Variants in GUCY2F observed in about 807,000 individuals in gnomAD.
GUCY2F encodes the protein guanylate cyclase 2F, retinal, also known as retinal guanylyl cyclase 2.
A neutral mutation model predicts 73.1 loss-of-function variants in GUCY2F; 61 were observed. The ratio of observed to expected loss-of-function variants is 0.83; its 90% CI spans 0.68 to 1.03. The LOEUF (loss-of-function observed/expected upper bound fraction) is 1.03. Ranked by LOEUF, GUCY2F falls within the 50% of genes least tolerant of loss-of-function variation. The pLI, the probability that GUCY2F is intolerant of heterozygous loss-of-function variation, is 0.00. For missense variants in GUCY2F, 912 were observed against 854.3 expected (o/e 1.07, Z -0.84); for synonymous variants, 331 against 307.8 (o/e 1.08, Z -0.79).
chrX:109,453,671 T>C lies in GUCY2F; in HGVS notation c.1221A>G (p.Val407=), dbSNP rs1176330585. ...DSNGNGISEY[V]ILDTNLKEWE... is the part of the protein sequence containing the mutation. ...ATTCTTTCAAGTTGGTGTCCAGGAT[T>C]ACATATTCTGAAATTCCATTTCCAT... The change falls in exon 4 of 20, where the codon GTA becomes GTG. Residue 407 remains valine, a synonymous_variant. Transcript: ENST00000218006. 1 of 1,205,568 alleles carries C rather than the reference T, an allele frequency of 8.3e-7. No individual in the cohort carries two copies. Among genetic ancestry groups the C allele is most frequent in the Non-Finnish European group, 1.1e-6 (1 of 889,892 alleles).
intron 3 of GUCY2F, among the ~76,000 whole-genome samples, chrX:109,458,820 C>T (rs1932310356): frequency 9.0e-6 from 1 of 111,280 alleles, no homozygotes; most frequent in Non-Finnish European, 1.9e-5. Context: ...TTAATCCTCA[C>T]AAGAACCCTA....
chrX:109,416,202 A>G (rs1429933201), intron 8 of GUCY2F, among the ~76,000 whole-genome samples: 1 of 102,085 alleles, frequency 9.8e-6, no homozygotes, highest in African/African-American at 4.4e-5. Context: ...TACTCCAGGA[A>G]AAAAAAAGGT....
chrX:109,398,770 C>G, intron 10 of GUCY2F, 72 bp from the exon 11 acceptor site: 2 of 952,539 alleles, frequency 2.1e-6, no homozygotes, highest in South Asian at 4.7e-5. Flanking sequence ...CTCAAGGGCT[C>G]AGAGGGTACT....
chrX:109,385,118 G>T, intron 16 of GUCY2F, 66 bp downstream of exon 16: 1 of 525,202 alleles, frequency 1.9e-6, no homozygotes, highest in Non-Finnish European at 3.3e-6. Flanking sequence ...TCACCTCTCT[G>T]AAGAAGAATC....
intron 8 of GUCY2F, among the ~76,000 whole-genome samples, chrX:109,426,517 T>C (rs890236032): frequency 4.5e-5 from 5 of 112,108 alleles, no homozygotes; most frequent in African/African-American, 1.6e-4. Flanking sequence ...GCCTCCTGAG[T>C]AACTGGGACT....
chrX:109,445,138 A>G (rs942605977), intron 6 of GUCY2F, among the ~76,000 whole-genome samples: 4 of 111,588 alleles, frequency 3.6e-5, no homozygotes, highest in African/African-American at 1.3e-4. Context: ...ACTACATGTC[A>G]TCTTTCACAA....
chrX:109,476,818 T>C (rs1042234021), intron 1 of GUCY2F, among the ~76,000 whole-genome samples: 1 of 103,424 alleles, frequency 9.7e-6, no homozygotes, highest in African/African-American at 4.1e-5. Flanking sequence ...TGCGTGTGTA[T>C]ATATATGTGT....
intron 7 of GUCY2F, among the ~76,000 whole-genome samples, chrX:109,440,140 G>A (rs1202412988): frequency 8.9e-6 from 1 of 111,895 alleles, no homozygotes; most frequent in Non-Finnish European, 1.9e-5. Context: ...TGAAGGATGG[G>A]ATGTCCAAGA....
chrX:109,448,421 G>C (rs1932071354), intron 5 of GUCY2F, among the ~76,000 whole-genome samples: 2 of 111,885 alleles, frequency 1.8e-5, no homozygotes, highest in African/African-American at 6.5e-5. Flanking sequence ...GAGGTGCGAA[G>C]GCTCTGCATG....
intron 12 of GUCY2F, among the ~76,000 whole-genome samples, chrX:109,394,241 A>G (rs1325006286): frequency 8.9e-6 from 1 of 112,118 alleles, no homozygotes; most frequent in Non-Finnish European, 1.9e-5. Context: ...CCCCCTATCT[A>G]TCACTGGCTT....
chrX:109,422,478 A>G (rs775810502), intron 8 of GUCY2F, among the ~76,000 whole-genome samples: 33 of 111,998 alleles, frequency 2.9e-4, no homozygotes, highest in Non-Finnish European at 5.7e-4. Context: ...TTGTACAACA[A>G]TGTGAATATA....
rs996503443 is a variant in GUCY2F, at chrX:109,430,750, A to G, written c.1702-354T>C. 3.6e-5 allele frequency among the ~76,000 whole-genome samples: 4 copies of G among 112,005 alleles called. No individual in the cohort carries two copies. In the Admixed American group the frequency reaches 3.8e-4, roughly 11 times the overall value. On this transcript the variant is annotated intron_variant, in intron 7 of 19. Coordinates refer to ENST00000218006, the MANE Select transcript of GUCY2F (RefSeq NM_001522.3). ...ATGATGTAGCACCAGGTTCCCTGCG[A>G]TTAATGGTGATAGTTAGTGGTTGCA... is the stretch of plus-strand genomic sequence containing the variant.
chrX:109,450,696 GT>G (rs1277043663), intron 5 of GUCY2F, among the ~76,000 whole-genome samples: 1 of 112,307 alleles, frequency 8.9e-6, no homozygotes, highest in African/African-American at 3.2e-5. Flanking sequence ...TTTATCAAGT[GT>G]TTTAACAATT....
chrX:109,428,404 T>G (rs1432460482), intron 8 of GUCY2F, among the ~76,000 whole-genome samples: 2 of 111,761 alleles, frequency 1.8e-5, no homozygotes, highest in African/African-American at 3.3e-5. Context: ...ATAGTCTAAA[T>G]CGATCTTGAG....
chrX:109,403,164 T>C (rs1169453672), intron 10 of GUCY2F, among the ~76,000 whole-genome samples: 1 of 111,247 alleles, frequency 9.0e-6, no homozygotes. Flanking sequence ...TTCATCATAT[T>C]TGTTCTCTTT....
chrX:109,416,291 T>C (rs112306664), intron 8 of GUCY2F, among the ~76,000 whole-genome samples: 8 of 111,222 alleles, frequency 7.2e-5, no homozygotes, highest in African/African-American at 2.6e-4. Flanking sequence ...ATAAATATAT[T>C]TGAAGATTTA....
intron 6 of GUCY2F, among the ~76,000 whole-genome samples, chrX:109,446,497 C>T (rs1347131209): frequency 1.8e-5 from 2 of 110,471 alleles, no homozygotes; most frequent in Non-Finnish European, 3.8e-5. Context: ...TGATCTTTGA[C>T]AAACCTGACA....
At chrX:109,387,386 G>A (rs1930461556) in intron 15 of GUCY2F, among the ~76,000 whole-genome samples, 1 of 112,082 alleles carries the variant, frequency 8.9e-6, no homozygotes, top group Non-Finnish European at 1.9e-5. Flanking sequence ...GTTTGTATGG[G>A]TAAAAAAATA....
At chrX:109,394,796 TG>T (rs1930664677) in intron 12 of GUCY2F, among the ~76,000 whole-genome samples, 1 of 112,124 alleles carries the variant, frequency 8.9e-6, no homozygotes, top group Non-Finnish European at 1.9e-5. Context: ...TGTACCCCAT[TG>T]CCTGGAAACT....
Sources: allele counts gnomAD v4.1 joint callset (sites outside exome capture counted in the v4.1 genomes callset), GRCh38; gene constraint gnomAD v4.1.1; transcripts MANE v1.5; gene names NCBI Gene and HGNC (gene_info 2026-07-23, HGNC 2026-07-21).